Variants in MAOB observed in about 807,000 individuals in gnomAD.
The protein encoded by MAOB is monoamine oxidase B.
In MAOB, 15 loss-of-function variants were observed where a neutral mutation model predicts 41.9. That is an observed-to-expected ratio of 0.36 (90% confidence interval 0.24 to 0.55). The LOEUF (loss-of-function observed/expected upper bound fraction) is 0.55, where lower values mean the gene tolerates loss of function less well. MAOB is among the 20% of genes least tolerant of loss of function. The probability of loss-of-function intolerance (pLI) is 0.86; values close to 1 mark genes in which losing one functional copy is unlikely to be tolerated. For synonymous variants in MAOB, 167 were observed against 144.2 expected (o/e 1.16, Z -1.13); for missense variants, 345 against 398.7 (o/e 0.87, Z 1.15).
chrX:43,809,697 T>C (rs1291824409), intron 3 of MAOB, among the ~76,000 whole-genome samples: 1 of 111,856 alleles, frequency 8.9e-6, no homozygotes, highest in Non-Finnish European at 1.9e-5. Context: ...ATTCCAGTGA[T>C]TATTACTGTT....
chrX:43,795,063 A>C (rs1398991709), intron 7 of MAOB, among the ~76,000 whole-genome samples: 3 of 110,893 alleles, frequency 2.7e-5, no homozygotes, highest in Non-Finnish European at 5.7e-5. Context: ...ATTCAACTCA[A>C]TTCTGACAGT....
chrX:43,780,171 G>A (rs944807093), intron 10 of MAOB, among the ~76,000 whole-genome samples, 171 bp downstream of exon 10: 3 of 110,868 alleles, frequency 2.7e-5, no homozygotes, highest in South Asian at 7.8e-4. Context: ...TAGCAAACAC[G>A]TAGCACTGGC....
At chrX:43,854,573 A>G (rs2035276387) in intron 1 of MAOB, among the ~76,000 whole-genome samples, 1 of 111,601 alleles carries the variant, frequency 9.0e-6, no homozygotes, top group Non-Finnish European at 1.9e-5. Context: ...CAGGGCTTAA[A>G]ACCTAGATGA....
chrX:43,793,459 C>A lies in MAOB; in HGVS notation c.888G>T (p.Lys296Asn). ...ITRVPLGSVI[K>N]CIVYYKEPFW... Reference sequence around the variant, plus strand: ...AAGGCTCTTTATAATAAACTATACACTTGATGACTGAACCCAAAGGCACAC... The same window carrying A: ...AAGGCTCTTTATAATAAACTATACAATTGATGACTGAACCCAAAGGCACAC... Residue 296 changes from lysine (K) to asparagine (N), a missense_variant, in exon 8 of 15, where the codon AAG becomes AAT. By Grantham distance (94) the Lys-to-Asn change is moderately conservative. Transcript: ENST00000378069. 8.3e-7 allele frequency: 1 copy of A among 1,206,806 alleles called. No individual in the cohort carries two copies. Among genetic ancestry groups the A allele is most frequent in the Non-Finnish European group, 1.1e-6 (1 of 891,924 alleles).
At chrX:43,803,252 TGAAA>T in intron 4 of MAOB, 44 bp downstream of exon 4, 1 of 1,059,244 alleles carries the variant, frequency 9.4e-7, no homozygotes, top group Non-Finnish European at 1.2e-6. Context: ...CTTTGAAGGA[TGAAA>T]CTTATTACAA....
rs188012199 is a variant in MAOB, at chrX:43,775,846, C to T, written c.1138-574G>A. Among the ~76,000 whole-genome samples the T allele has an allele frequency of 2.8e-3, 315 of 112,074 alleles. 1 individual carries two copies. The highest frequency in any genetic ancestry group is 4.8e-3 in the Non-Finnish European group (253 of 53,188). ...AAAAATTGGCAGAGATTTTGTAAAG[C>T]TCAAATGCTTTTTTAAAGTAACCAA... On this transcript the variant is annotated intron_variant, in intron 11 of 14. Transcript: ENST00000378069.
At chrX:43,879,251 C>CA (rs922665510) in intron 1 of MAOB, among the ~76,000 whole-genome samples, 3 of 111,802 alleles carry the variant, frequency 2.7e-5, no homozygotes, top group African/African-American at 9.8e-5. Context: ...TTTAAAACAT[C>CA]AAAAAAGAAA....
chrX:43,842,151 C>T (rs982679544), intron 2 of MAOB, among the ~76,000 whole-genome samples: 21 of 111,852 alleles, frequency 1.9e-4, no homozygotes, highest in Admixed American at 9.4e-5. Context: ...ATTTGCAAGC[C>T]GTACATCTGA....
intron 14 of MAOB, among the ~76,000 whole-genome samples, chrX:43,767,844 T>C (rs1418284271): frequency 8.9e-6 from 1 of 111,820 alleles, no homozygotes; most frequent in Non-Finnish European, 1.9e-5. Context: ...GACATTCTCC[T>C]TTTGCATTTT....
At chrX:43,789,621 C>T (rs1490304255) in intron 8 of MAOB, among the ~76,000 whole-genome samples, 6 of 111,275 alleles carry the variant, frequency 5.4e-5, no homozygotes, top group Non-Finnish European at 9.4e-5. Context: ...GGGGTGCTGA[C>T]GGTGAGGGCG....
intron 1 of MAOB, among the ~76,000 whole-genome samples, chrX:43,869,154 A>G (rs942476292): frequency 1.8e-5 from 2 of 111,766 alleles, no homozygotes; most frequent in African/African-American, 6.5e-5. Flanking sequence ...TAATGGTATC[A>G]TAACACTAAT....
chrX:43,878,322 G>A (rs1324143032), intron 1 of MAOB, among the ~76,000 whole-genome samples: 1 of 110,152 alleles, frequency 9.1e-6, no homozygotes, highest in African/African-American at 3.3e-5. Context: ...GCTCACTGCA[G>A]CCTCGAGCTC....
chrX:43,829,175 A>G lies in MAOB; in HGVS notation c.279+9693T>C, dbSNP rs781661572. On this transcript the variant is annotated intron_variant, in intron 3 of 14. Coordinates refer to ENST00000378069, the MANE Select transcript of MAOB (RefSeq NM_000898.5). ...AGTAAAATGCTCCAGGTCGCTCTGC[A>G]GTTCTTTTGCTCAGAATTTTGCATG... 2.7e-5 allele frequency among the ~76,000 whole-genome samples: 3 copies of G among 112,546 alleles called. No homozygotes were observed. In the South Asian group the frequency reaches 1.1e-3, roughly 41 times the overall value.
intron 1 of MAOB, among the ~76,000 whole-genome samples, chrX:43,850,717 A>T (rs754136510): frequency 8.9e-6 from 1 of 112,416 alleles, no homozygotes; most frequent in Non-Finnish European, 1.9e-5. Context: ...ATCAAAATAT[A>T]TAACATGAAA....
chrX:43,795,001 A>G (rs1488850621), intron 7 of MAOB, among the ~76,000 whole-genome samples: 1 of 110,652 alleles, frequency 9.0e-6, no homozygotes, highest in African/African-American at 3.3e-5. Context: ...TTTTCCCCAC[A>G]TATTAAGCAA....
chrX:43,780,348 T>G lies in MAOB; in HGVS notation c.1073A>C (p.Glu358Ala), dbSNP rs761859790. 4 of 1,202,933 alleles carry G rather than the reference T, an allele frequency of 3.3e-6. No homozygotes were observed. The Admixed American group carries it at 8.8e-5, about 26-fold the overall frequency. Residue 358 changes from glutamate (E) to alanine (A), a missense_variant, in exon 10 of 15, where the codon GAG becomes GCG. Physicochemically the swap from Glu to Ala is moderately radical, Grantham distance 107 (BLOSUM62 -1). Transcript: ENST00000378069. ...KARKLARLTK[E>A]ERLKKLCELY... ...GCAGCATTTCTTTTGTTACCTTTCC[T>G]CTTTGGTAAGACGTGCCAGTTTTCT...
chrX:43,783,068 T>C (rs752237746), intron 8 of MAOB, among the ~76,000 whole-genome samples: 1 of 112,085 alleles, frequency 8.9e-6, no homozygotes, highest in East Asian at 2.8e-4. Flanking sequence ...AGCATTCTCT[T>C]TGAAAACCAG....
intron 1 of MAOB, among the ~76,000 whole-genome samples, chrX:43,866,329 A>G (rs183601159): frequency 8.9e-6 from 1 of 112,387 alleles, no homozygotes; most frequent in East Asian, 2.8e-4. Context: ...ACTTCTGACA[A>G]TAAATATGTT....
At chrX:43,779,787 A>C (rs1455719430) in intron 10 of MAOB, among the ~76,000 whole-genome samples, 1 of 111,983 alleles carries the variant, frequency 8.9e-6, no homozygotes, top group Non-Finnish European at 1.9e-5. Flanking sequence ...AATATAATTC[A>C]GGAGCTCTTT....
Sources: allele counts gnomAD v4.1 joint callset (sites outside exome capture counted in the v4.1 genomes callset), GRCh38; gene constraint gnomAD v4.1.1; transcripts MANE v1.5; gene names NCBI Gene and HGNC (gene_info 2026-07-23, HGNC 2026-07-21).